F11R: variants seen among roughly 807,000 people sequenced by gnomAD.
F11R encodes F11 receptor, also known as junctional adhesion molecule A.
In F11R, 27 loss-of-function variants were observed where a neutral mutation model predicts 39.3. The ratio of observed to expected loss-of-function variants is 0.69; its 90% CI spans 0.51 to 0.95. F11R has a LOEUF of 0.95. Ranked by LOEUF, F11R falls within the 40% of genes least tolerant of loss-of-function variation. The probability of loss-of-function intolerance (pLI) is 0.00; values close to 1 mark genes in which losing one functional copy is unlikely to be tolerated. For missense variants in F11R, 335 were observed against 372.7 expected (o/e 0.90, Z 0.83); for synonymous variants, 131 against 144.9 (o/e 0.90, Z 0.69).
At chr1:161,012,010 G>A (rs143188777) in intron 1 of F11R, among the ~76,000 whole-genome samples, 41 of 152,138 alleles carry the variant, frequency 2.7e-4, no homozygotes, top group Middle Eastern at 3.4e-3. Flanking sequence ...CCTGGCACAC[G>A]CTGCTCTGTA....
chr1:160,998,324 A>G lies in F11R; in HGVS notation c.*547T>C. 1 of 164,826 alleles carries G rather than the reference A, an allele frequency of 6.1e-6. No individual in the cohort carries two copies. The allele number at this position is 164,826 out of a possible 1,614,324, so 10.2% of individuals were successfully genotyped here. On this transcript the variant is annotated 3_prime_UTR_variant, in exon 10 of 10. Transcript: ENST00000368026. Reference sequence around the variant, plus strand: ...GTATTCAGGAGGACAGGGCAGAGGGATCCCAGTGGCACTTCCCATGGGAAG... The same window carrying G: ...GTATTCAGGAGGACAGGGCAGAGGGGTCCCAGTGGCACTTCCCATGGGAAG...
chr1:161,001,041 A>G lies in F11R; in HGVS notation c.220T>C (p.Cys74Arg). ...FDQGDTTRLV[C>R]YNNKITASYE... is the part of the protein sequence containing the mutation. ...TCACCTGTGATCTTGTTATTATAGC[A>G]AACGAGTCTGGTGGTGTCTCCTTGG... The change falls in exon 3 of 10, where the codon TGC (cysteine) becomes CGC (arginine). Residue 74 changes from cysteine to arginine, a missense_variant. By Grantham distance (180) the Cys-to-Arg change is radical. Coordinates refer to ENST00000368026, the MANE Select transcript of F11R (RefSeq NM_016946.6). The G allele has an allele frequency of 6.2e-7, 1 of 1,614,174 alleles. No homozygotes were observed. Among genetic ancestry groups the G allele is most frequent in the Non-Finnish European group, 8.5e-7 (1 of 1,180,002 alleles).
intron 1 of F11R, among the ~76,000 whole-genome samples, chr1:161,016,198 C>T (rs1361107581): frequency 6.6e-6 from 1 of 152,028 alleles, no homozygotes; most frequent in Non-Finnish European, 1.5e-5. Context: ...AATTAGGGGC[C>T]GGGCGCGGTG....
intron 1 of F11R, among the ~76,000 whole-genome samples, chr1:161,009,737 GTGGGT>G (rs1305955043): frequency 6.6e-5 from 10 of 151,954 alleles, no homozygotes; most frequent in Non-Finnish European, 1.5e-5. Context: ...GGAGGCCGAT[GTGGGT>G]GGATTGCTTG....
At chr1:161,013,490 A>T (rs546234406) in intron 1 of F11R, among the ~76,000 whole-genome samples, 38 of 152,190 alleles carry the variant, frequency 2.5e-4, no homozygotes, top group African/African-American at 8.9e-4. Context: ...CTTCCTCCCC[A>T]CCACTCACCC....
In F11R at chr1:161,001,089, G is replaced by A. The variant is rs149683377; in HGVS notation, c.172C>T (p.Pro58Ser). The A allele has an allele frequency of 1.7e-5, 28 of 1,614,028 alleles. 1 individual carries two copies. The African/African-American group carries it at 2.4e-4, about 14-fold the overall frequency. ...TGGTCAAACTTCCACTCCACACGGG[G>A]AGAAGAAAAGCCCGAGTAGGCACAG... is the stretch of plus-strand genomic sequence containing the variant. ...LSCAYSGFSSPRVEWKFDQGD... is the reference protein window; with the variant it reads ...LSCAYSGFSSSRVEWKFDQGD... Residue 58 changes from proline (P) to serine (S), a missense_variant, in exon 3 of 10, where the codon CCC becomes TCC. Transcript: ENST00000368026.
At chr1:161,012,245 G>T (rs544857405) in intron 1 of F11R, among the ~76,000 whole-genome samples, 38 of 152,270 alleles carry the variant, frequency 2.5e-4, no homozygotes, top group African/African-American at 9.1e-4. Context: ...TAACAGAAAA[G>T]GACCTACTTC....
intron 1 of F11R, among the ~76,000 whole-genome samples, chr1:161,003,845 A>T (rs1648639425): frequency 6.6e-6 from 1 of 151,602 alleles, no homozygotes; most frequent in Non-Finnish European, 1.5e-5. Context: ...ACTCACCACA[A>T]CCTCCGCCTC....
chr1:161,002,365 GAAAGA>G (rs944672448), intron 1 of F11R, among the ~76,000 whole-genome samples: 4 of 151,620 alleles, frequency 2.6e-5, no homozygotes, highest in African/African-American at 4.8e-5. Context: ...GCCAAATGGA[GAAAGA>G]AAAGAAAAGA....
At chr1:161,010,858 C>T (rs1052489391) in intron 1 of F11R, among the ~76,000 whole-genome samples, 1 of 150,934 alleles carries the variant, frequency 6.6e-6, no homozygotes, top group Non-Finnish European at 1.5e-5. Flanking sequence ...TGGTGGCAGG[C>T]ACCTGAATCC....
intron 8 of F11R, 108 bp from the exon 9 acceptor site, chr1:160,999,199 C>T (rs542298623): frequency 1.6e-5 from 24 of 1,503,676 alleles, no homozygotes; most frequent in Middle Eastern, 3.4e-4. Context: ...GCACAGAGTG[C>T]GCAGCAGACA....
chr1:161,001,282 C>A lies in F11R; in HGVS notation c.133+3G>T. The A allele has an allele frequency of 6.2e-7, 1 of 1,613,974 alleles. No homozygotes were observed. Among genetic ancestry groups the A allele is most frequent in the Non-Finnish European group, 8.5e-7 (1 of 1,180,012 alleles). On this transcript the variant is annotated splice_donor_region_variant and intron_variant, in intron 2 of 9. Transcript: ENST00000368026. ...ACACCCTCCATGGCCCCTCCCAACT[C>A]ACGATTATTCTCAGGAATTCTGACT...
chr1:161,011,040 C>T (rs897795609), intron 1 of F11R, among the ~76,000 whole-genome samples: 1 of 147,012 alleles, frequency 6.8e-6, no homozygotes, highest in Non-Finnish European at 1.5e-5. Flanking sequence ...TTTCATTGTT[C>T]GTTTTTTTTG....
rs1648131737 is a variant in F11R, at chr1:160,996,539, AGG to A, written c.*2330_*2331del. 1 of 152,274 alleles carries A rather than the reference AGG, an allele frequency of 6.6e-6. No homozygotes were observed. The highest frequency in any genetic ancestry group is 1.9e-4 in the East Asian group (1 of 5,200). The allele number at this position is 152,274 out of a possible 1,614,324, so 9.4% of individuals were successfully genotyped here. ...TCCCATCACTTTGGGAGGCCAAGGC[AGG>A]CGGATCAAGAGGTCAGGAGTTTGAG... On this transcript the variant is annotated 3_prime_UTR_variant, in exon 10 of 10. Coordinates refer to ENST00000368026, the MANE Select transcript of F11R (RefSeq NM_016946.6).
intron 1 of F11R, 62 bp downstream of exon 1, chr1:161,020,948 G>A: frequency 3.4e-6 from 5 of 1,481,036 alleles, no homozygotes; most frequent in East Asian, 2.3e-5. Context: ...GGGGCGTGGG[G>A]AGAGCCTTCC....
intron 1 of F11R, among the ~76,000 whole-genome samples, chr1:161,014,173 C>T (rs1430319411): frequency 6.6e-6 from 1 of 152,234 alleles, no homozygotes; most frequent in Admixed American, 6.5e-5. Flanking sequence ...TTTCCTGAAT[C>T]TCTGAAACAG....
chr1:161,019,451 C>T (rs1205890511), intron 1 of F11R, among the ~76,000 whole-genome samples: 6 of 151,824 alleles, frequency 4.0e-5, no homozygotes, highest in African/African-American at 1.2e-4. Context: ...AAAAATTAGC[C>T]GGGCGTGATG....
chr1:161,009,779 C>G (rs906130667), intron 1 of F11R, among the ~76,000 whole-genome samples: 2 of 151,808 alleles, frequency 1.3e-5, no homozygotes, highest in Non-Finnish European at 2.9e-5. Flanking sequence ...ACCAGCCGGG[C>G]CAACATGATA....
chr1:161,000,400 G>A (rs1306357595), intron 4 of F11R, 52 bp from the exon 5 acceptor site: 2 of 1,574,722 alleles, frequency 1.3e-6, no homozygotes, highest in Non-Finnish European at 1.7e-6. Context: ...GGCTGCTTGA[G>A]TCTAAGTAAC....
Sources: allele counts gnomAD v4.1 joint callset (sites outside exome capture counted in the v4.1 genomes callset), GRCh38; gene constraint gnomAD v4.1.1; transcripts MANE v1.5; gene names NCBI Gene and HGNC (gene_info 2026-07-23, HGNC 2026-07-21).